The following SPIDR variants were observed in gnomAD, a reference collection of about 807,000 sequenced individuals.
SPIDR encodes DNA repair-scaffolding protein.
A neutral mutation model predicts 104.6 loss-of-function variants in SPIDR; 93 were observed. The ratio of observed to expected loss-of-function variants is 0.89; its 90% CI spans 0.75 to 1.06. The LOEUF is 1.06. Among genes scored for constraint, SPIDR ranks in the 50% least tolerant of loss-of-function variants. The probability of loss-of-function intolerance (pLI) is 0.00; values close to 1 mark genes in which losing one functional copy is unlikely to be tolerated. For missense variants in SPIDR, 1,154 were observed against 1,111.2 expected (o/e 1.04, Z -0.55); for synonymous variants, 431 against 416.9 (o/e 1.03, Z -0.41).
At chr8:47,551,726 T>C (rs554690959) in intron 8 of SPIDR, among the ~76,000 whole-genome samples, 2 of 152,300 alleles carry the variant, frequency 1.3e-5, no homozygotes, top group South Asian at 4.1e-4. Context: ...AACCAGCTCC[T>C]GGATTCATTA....
intron 10 of SPIDR, among the ~76,000 whole-genome samples, chr8:47,605,613 GGTTCACTGGT>G (rs1243026199): frequency 6.6e-6 from 1 of 152,188 alleles, no homozygotes; most frequent in Non-Finnish European, 1.5e-5. Flanking sequence ...GACTGGTGTG[GGTTCACTGGT>G]GACAGGACAT....
chr8:47,627,310 G>T (rs1382950194), intron 10 of SPIDR, among the ~76,000 whole-genome samples: 2 of 151,966 alleles, frequency 1.3e-5, no homozygotes, highest in East Asian at 3.9e-4. Flanking sequence ...AATGGGTGCA[G>T]CACAGCAACA....
chr8:47,732,095 C>G, intron 19 of SPIDR: 2 of 701,584 alleles, frequency 2.9e-6, no homozygotes, highest in Middle Eastern at 4.6e-4. Context: ...ATGGACAGTG[C>G]TTGACACCCG....
chr8:47,552,185 T>C (rs972122018), intron 8 of SPIDR, among the ~76,000 whole-genome samples: 3 of 152,234 alleles, frequency 2.0e-5, no homozygotes, highest in African/African-American at 7.2e-5. Context: ...AGTGCTTTAC[T>C]TCCAACTATG....
intron 5 of SPIDR, among the ~76,000 whole-genome samples, chr8:47,302,725 G>C (rs1397536580): frequency 1.3e-5 from 2 of 152,318 alleles, no homozygotes; most frequent in Admixed American, 1.3e-4. Flanking sequence ...GACCTTGTTT[G>C]CCTGGGTATC....
rs2045526267 is a variant in SPIDR, at chr8:47,317,138, C to G, written c.525+23108C>G. On this transcript the variant is annotated intron_variant, in intron 5 of 19. Coordinates refer to ENST00000297423, the MANE Select transcript of SPIDR (RefSeq NM_001080394.4). The stretch of plus-strand genomic sequence containing the variant: ...GTGGGTACAGTGCACCCAGCGTGAG[C>G]CGAAGCAGGGCGAGGCATCACCTCA... 2.0e-5 allele frequency among the ~76,000 whole-genome samples: 3 copies of G among 152,160 alleles called. No homozygotes were observed. The South Asian group carries it at 6.2e-4, about 32-fold the overall frequency.
intron 8 of SPIDR, among the ~76,000 whole-genome samples, chr8:47,584,652 A>C (rs982029657): frequency 5.9e-5 from 9 of 152,232 alleles, no homozygotes; most frequent in Non-Finnish European, 1.0e-4. Context: ...TTCTAAATAC[A>C]CACATACACT....
intron 10 of SPIDR, among the ~76,000 whole-genome samples, chr8:47,609,247 AGG>A (rs2063331641): frequency 6.6e-6 from 1 of 152,162 alleles, no homozygotes; most frequent in African/African-American, 2.4e-5. Flanking sequence ...CATTTTAATG[AGG>A]TCCAATTTGT....
intron 11 of SPIDR, among the ~76,000 whole-genome samples, chr8:47,688,904 G>A (rs986790198): frequency 6.6e-6 from 1 of 152,164 alleles, no homozygotes; most frequent in Admixed American, 6.5e-5. Context: ...TAGATCTGTA[G>A]TGGAATTCAC....
At chr8:47,486,779 C>A (rs1044450505) in intron 8 of SPIDR, among the ~76,000 whole-genome samples, 2 of 152,098 alleles carry the variant, frequency 1.3e-5, no homozygotes, top group Non-Finnish European at 2.9e-5. Context: ...GAAATAAAAT[C>A]CTTTACAGAC....
At chr8:47,534,595 A>C (rs954473969) in intron 8 of SPIDR, among the ~76,000 whole-genome samples, 1 of 152,156 alleles carries the variant, frequency 6.6e-6, no homozygotes, top group Admixed American at 6.5e-5. Context: ...TTAAGAACAC[A>C]AAGAAGGAGA....
At chr8:47,288,372 G>A (rs1264967200) in intron 3 of SPIDR, among the ~76,000 whole-genome samples, 1 of 151,540 alleles carries the variant, frequency 6.6e-6, no homozygotes, top group African/African-American at 2.4e-5. Context: ...TGCAACCTCT[G>A]CCTCCTGGGT....
chr8:47,509,625 T>C (rs2082012454), intron 8 of SPIDR, among the ~76,000 whole-genome samples: 2 of 152,222 alleles, frequency 1.3e-5, no homozygotes, highest in African/African-American at 4.8e-5. Context: ...GCAAGTCGCA[T>C]AACTTTTCAG....
At chr8:47,564,606 G>T (rs1242479960) in intron 8 of SPIDR, among the ~76,000 whole-genome samples, 1 of 151,594 alleles carries the variant, frequency 6.6e-6, no homozygotes, top group Admixed American at 6.6e-5. Context: ...CTTGAACTCG[G>T]GAGGCAGAAG....
At chr8:47,343,750 C>T (rs2051255704) in intron 5 of SPIDR, among the ~76,000 whole-genome samples, 1 of 152,116 alleles carries the variant, frequency 6.6e-6, no homozygotes, top group Admixed American at 6.5e-5. Flanking sequence ...CTTCTCCTGC[C>T]AGTCCTTCCC....
chr8:47,306,099 C>G (rs2043047316), intron 5 of SPIDR, among the ~76,000 whole-genome samples: 1 of 152,108 alleles, frequency 6.6e-6, no homozygotes, highest in Non-Finnish European at 1.5e-5. Flanking sequence ...TGGTTTATTT[C>G]ACTTAGCATA....
rs72295566 is a variant in SPIDR, at chr8:47,582,827, T to TACACACACACACACACACAC, written c.1098-12960_1098-12941dup. Among the ~76,000 whole-genome samples, 6 of 130,186 alleles carry TACACACACACACACACACAC rather than the reference T, an allele frequency of 4.6e-5. No individual in the cohort carries two copies. The Admixed American group carries it at 4.8e-4, about 10-fold the overall frequency. The allele number at this position is 130,186 out of a possible 152,430, so 85.4% of individuals were successfully genotyped here. On this transcript the variant is annotated intron_variant, in intron 8 of 19. Transcript: ENST00000297423. ...ACTCCATTAAACAACAACAACAAAT[T>TACACACACACACACACACAC]ACACACACACACACACACACACACA... is the stretch of plus-strand genomic sequence containing the variant.
chr8:47,648,984 A>G (rs1402161384), intron 10 of SPIDR, among the ~76,000 whole-genome samples: 1 of 152,230 alleles, frequency 6.6e-6, no homozygotes, highest in African/African-American at 2.4e-5. Flanking sequence ...AAAAAGAGTA[A>G]CTTATAGTTG....
At chr8:47,594,516 GT>G (rs2154422041) in intron 8 of SPIDR, among the ~76,000 whole-genome samples, 1 of 152,258 alleles carries the variant, frequency 6.6e-6, no homozygotes, top group East Asian at 1.9e-4. Context: ...CAAGTCATAG[GT>G]TTTTCATGAT....
Sources: gnomAD v4.1 joint callset for allele counts (sites outside exome capture counted in the v4.1 genomes callset) on GRCh38, gnomAD v4.1.1 for gene constraint, MANE v1.5 for transcripts, NCBI Gene and HGNC (gene_info 2026-07-23, HGNC 2026-07-21) for gene names.